CDK6: variants seen among roughly 807,000 people sequenced by gnomAD.
CDK6 encodes cyclin dependent kinase 6.
CDK6 carries 6 observed loss-of-function variants against 37.1 expected under a neutral mutation model. The observed-to-expected ratio is 0.16, with a 90% CI of 0.09 to 0.32. The LOEUF is 0.32. CDK6 is among the 10% of genes least tolerant of loss of function. The pLI is 1.00. For missense variants in CDK6, 224 were observed against 418.9 expected, an observed-to-expected ratio of 0.53 and a Z score of 4.06; for synonymous variants, 160 against 161.3, an observed-to-expected ratio of 0.99 and a Z score of 0.06.
intron 4 of CDK6, among the ~76,000 whole-genome samples, chr7:92,720,264 G>C (rs1798335177): frequency 2.0e-5 from 3 of 152,176 alleles, no homozygotes; most frequent in Admixed American, 2.0e-4. Flanking sequence ...ACCCTTTGTA[G>C]AATCTGAGAG....
chr7:92,642,062 T>G (rs1328286661), intron 5 of CDK6, among the ~76,000 whole-genome samples: 1 of 152,098 alleles, frequency 6.6e-6, no homozygotes, highest in Non-Finnish European at 1.5e-5. Flanking sequence ...CGTAAGGTAC[T>G]TCTTCCTGTG....
At chr7:92,828,429 A>C (rs1801388015) in intron 2 of CDK6, among the ~76,000 whole-genome samples, 1 of 152,186 alleles carries the variant, frequency 6.6e-6, no homozygotes, top group South Asian at 2.1e-4. Flanking sequence ...GAACAAGTCA[A>C]TAACTTTAAA....
intron 4 of CDK6, 102 bp downstream of exon 4, chr7:92,725,524 T>A (rs1041999060): frequency 7.2e-6 from 9 of 1,244,974 alleles, no homozygotes; most frequent in African/African-American, 1.5e-5. Flanking sequence ...ATCCACCAAC[T>A]AGTCATGGGC....
In CDK6 at chr7:92,672,196, C is replaced by CACACACACAG. The variant is rs1179646718; in HGVS notation, c.538-662_538-661insCTGTGTGTGT. 8.0e-5 allele frequency among the ~76,000 whole-genome samples: 9 copies of CACACACACAG among 112,630 alleles called. 1 individual carries two copies. The highest frequency in any genetic ancestry group is 1.6e-4 in the Non-Finnish European group (9 of 55,946). The allele number at this position is 112,630 out of a possible 152,430, so 73.9% of individuals were successfully genotyped here. A position where few individuals can be genotyped will look rare whatever the true frequency, so the allele number is the denominator to read the frequency against. On this transcript the variant is annotated intron_variant, in intron 4 of 7. Transcript: ENST00000424848. ...ACACACACACACAGACACATACACA[C>CACACACACAG]ACACACACACACACACACACACACA...
At chr7:92,739,100 C>G (rs1798858260) in intron 3 of CDK6, among the ~76,000 whole-genome samples, 1 of 152,198 alleles carries the variant, frequency 6.6e-6, no homozygotes, top group Non-Finnish European at 1.5e-5. Flanking sequence ...CTCTGGGTCT[C>G]TAGTAAGCTC....
intron 5 of CDK6, among the ~76,000 whole-genome samples, chr7:92,645,188 A>G (rs111611955): frequency 1.2e-3 from 187 of 152,328 alleles, no homozygotes; most frequent in African/African-American, 4.0e-3. Flanking sequence ...AGCTCTCATC[A>G]GTTTTTAAGC....
chr7:92,808,810 G>A (rs1365817818), intron 2 of CDK6, among the ~76,000 whole-genome samples: 3 of 152,084 alleles, frequency 2.0e-5, no homozygotes, highest in Admixed American at 1.3e-4. Context: ...ATATTCAAAG[G>A]AATACATATT....
intron 2 of CDK6, among the ~76,000 whole-genome samples, chr7:92,828,157 TTTAAA>T: frequency 6.6e-6 from 1 of 152,194 alleles, no homozygotes; most frequent in East Asian, 1.9e-4. Flanking sequence ...TTATAATTAA[TTTAAA>T]TTATCATAAT....
At chr7:92,741,820 T>C (rs1798932307) in intron 3 of CDK6, among the ~76,000 whole-genome samples, 1 of 152,178 alleles carries the variant, frequency 6.6e-6, no homozygotes, top group Non-Finnish European at 1.5e-5. Context: ...CACATAACTT[T>C]CTAAATTATA....
chr7:92,714,727 T>C (rs1798183305), intron 4 of CDK6, among the ~76,000 whole-genome samples: 1 of 152,206 alleles, frequency 6.6e-6, no homozygotes, highest in African/African-American at 2.4e-5. Flanking sequence ...ACCATCATTT[T>C]AGGAATTTAT....
At chr7:92,730,390 C>T (rs904260781) in intron 3 of CDK6, among the ~76,000 whole-genome samples, 6 of 152,128 alleles carry the variant, frequency 3.9e-5, no homozygotes, top group Admixed American at 2.6e-4. Context: ...TAGAGGAGGC[C>T]ACAGACTAAA....
intron 5 of CDK6, among the ~76,000 whole-genome samples, chr7:92,631,097 A>G (rs925383985): frequency 6.6e-6 from 1 of 152,132 alleles, no homozygotes; most frequent in Admixed American, 6.5e-5. Context: ...TTCCTGGGAG[A>G]GAAGGAAAAG....
intron 5 of CDK6, among the ~76,000 whole-genome samples, chr7:92,636,417 A>G (rs1188034211): frequency 6.6e-6 from 1 of 152,146 alleles, no homozygotes; most frequent in Non-Finnish European, 1.5e-5. Flanking sequence ...TTATTTATGA[A>G]GCAAATGAAC....
At chr7:92,791,327 A>T (rs1000980896) in intron 2 of CDK6, among the ~76,000 whole-genome samples, 6 of 152,174 alleles carry the variant, frequency 3.9e-5, no homozygotes, top group African/African-American at 1.4e-4. Flanking sequence ...CAGCTCTGAC[A>T]GAACATTGCC....
At chr7:92,741,166 T>C (rs117892745) in intron 3 of CDK6, among the ~76,000 whole-genome samples, 7,084 of 152,272 alleles carry the variant, frequency 0.047, 209 homozygotes, top group Non-Finnish European at 0.069. Context: ...AGAACATGGG[T>C]AATTCTGACA....
At chr7:92,789,507 T>C (rs973069730) in intron 2 of CDK6, among the ~76,000 whole-genome samples, 1 of 152,132 alleles carries the variant, frequency 6.6e-6, no homozygotes, top group African/African-American at 2.4e-5. Context: ...AATAACAACA[T>C]GAAGGAGAAA....
At chr7:92,800,928 C>T (rs1800556313) in intron 2 of CDK6, among the ~76,000 whole-genome samples, 1 of 152,136 alleles carries the variant, frequency 6.6e-6, no homozygotes, top group African/African-American at 2.4e-5. Flanking sequence ...TGGTGAGTAT[C>T]AAGGCTCTAC....
chr7:92,626,214 T>C (rs1350243577), intron 5 of CDK6, among the ~76,000 whole-genome samples: 1 of 151,920 alleles, frequency 6.6e-6, no homozygotes, highest in Non-Finnish European at 1.5e-5. Context: ...TACTAAAAAA[T>C]ACACATATAA....
intron 3 of CDK6, among the ~76,000 whole-genome samples, chr7:92,765,921 G>A (rs1799568395): frequency 6.6e-6 from 1 of 152,210 alleles, no homozygotes; most frequent in Non-Finnish European, 1.5e-5. Context: ...GCTAGAGGGT[G>A]TGGAGCATTC....
Sources: gnomAD v4.1 joint callset for allele counts (sites outside exome capture counted in the v4.1 genomes callset) on GRCh38, gnomAD v4.1.1 for gene constraint, MANE v1.5 for transcripts, NCBI Gene and HGNC (gene_info 2026-07-23, HGNC 2026-07-21) for gene names.